DOT1L: variants seen among roughly 807,000 people sequenced by gnomAD.
DOT1L encodes histone-lysine N-methyltransferase, H3 lysine-79 specific.
Under a neutral mutation model 153.3 loss-of-function variants are expected in DOT1L, and 33 were observed. The observed-to-expected ratio is 0.22, with a 90% CI of 0.16 to 0.29. DOT1L has a LOEUF of 0.29. Ranked by LOEUF, DOT1L falls within the 10% of genes least tolerant of loss-of-function variation. The pLI is 1.00. For synonymous variants in DOT1L, 1,135 were observed against 965.1 expected (o/e 1.18, Z -3.26); for missense variants, 1,847 against 2,119.9 (o/e 0.87, Z 2.53).
rs1386514078 is a variant in DOT1L at position 2,197,669 on chromosome 19, C to T, written c.652-2215C>T. 2.0e-5 allele frequency among the ~76,000 whole-genome samples: 3 copies of T among 152,134 alleles called. No homozygotes were observed. Among genetic ancestry groups the T allele is most frequent in the African/African-American group, 7.2e-5 (3 of 41,412 alleles). ...GATTCCGTGCAGGTTTAGGTGCTCA[C>T]GGTCAGGCCAGTGGCTCCTGAGATG... On this transcript the variant is annotated intron_variant, in intron 7 of 27. Coordinates refer to ENST00000398665, the MANE Select transcript of DOT1L (RefSeq NM_032482.3). This position sits in a 1 kb window ranked among gnomAD's most constrained non-coding sequence, Gnocchi z 4.1.
rs2024532608 is a variant in DOT1L at position 2,230,080 on chromosome 19, A to T, written c.*288A>T. On this transcript the variant is annotated 3_prime_UTR_variant, in exon 28 of 28. Coordinates refer to ENST00000398665, the MANE Select transcript of DOT1L (RefSeq NM_032482.3). ...AAAGGCAACTTATTGAGAAATATAA[A>T]TATCTATATATGAGAGCTCTATATA... 1 of 597,420 alleles carries T rather than the reference A, an allele frequency of 1.7e-6. No homozygotes were observed. Among genetic ancestry groups the T allele is most frequent in the African/African-American group, 1.9e-5 (1 of 53,702 alleles). 37.0% of individuals were successfully genotyped at this position (597,420 alleles called of 1,614,324 possible).
At chr19:2,174,994 GTATA>G (rs1555715371) in intron 1 of DOT1L, among the ~76,000 whole-genome samples, 1,769 of 80,392 alleles carry the variant, frequency 0.022, 57 homozygotes, top group East Asian at 0.16. Flanking sequence ...GTGTGTGTGT[GTATA>G]TATATATTTT....
At chr19:2,185,649 G>A (rs981916633) in intron 2 of DOT1L, among the ~76,000 whole-genome samples, 1 of 152,078 alleles carries the variant, frequency 6.6e-6, no homozygotes, top group Admixed American at 6.5e-5. Flanking sequence ...GGCACCTGTA[G>A]TCCCAGCTAC....
intron 16 of DOT1L, 23 bp from the exon 17 acceptor site, chr19:2,213,516 C>A: frequency 6.2e-7 from 1 of 1,610,710 alleles, no homozygotes; most frequent in South Asian, 1.1e-5. Flanking sequence ...GGCCCTTAGT[C>A]ACCTGCCCTG....
At chr19:2,166,016 C>T (rs1399653800) in intron 1 of DOT1L, among the ~76,000 whole-genome samples, 1 of 152,050 alleles carries the variant, frequency 6.6e-6, no homozygotes, top group Non-Finnish European at 1.5e-5. Flanking sequence ...GTGATCCACC[C>T]ACCTCGGCCT....
rs377271788 is a variant in DOT1L, at chr19:2,199,857, C to T, written c.652-27C>T. The T allele has an allele frequency of 4.8e-5, 77 of 1,611,208 alleles. No individual in the cohort carries two copies. The East Asian group carries it at 8.3e-4, about 17-fold the overall frequency. On this transcript the variant is annotated intron_variant, in intron 7 of 27. Transcript: ENST00000398665. ...GGGAGTGCCAGGGAGGCCGGGGGTC[C>T]GCGCTCACACCTGTTTTCCCTTTCA...
At chr19:2,209,229 A>G (rs1225897753) in intron 12 of DOT1L, among the ~76,000 whole-genome samples, 1 of 128,182 alleles carries the variant, frequency 7.8e-6, no homozygotes, top group African/African-American at 3.0e-5. Flanking sequence ...TCACCATTCA[A>G]TCTCTCTCTC....
chr19:2,215,259 C>T (rs989188495), intron 19 of DOT1L, among the ~76,000 whole-genome samples: 1 of 152,128 alleles, frequency 6.6e-6, no homozygotes, highest in African/African-American at 2.4e-5. Flanking sequence ...GAGCCAGGCC[C>T]CATCTGAAAA....
At chr19:2,221,440 C>G (rs2024108487) in intron 23 of DOT1L, 1 of 155,658 alleles carries the variant, frequency 6.4e-6, no homozygotes, top group Admixed American at 6.3e-5. Flanking sequence ...CGCCCCTGCA[C>G]TGAGGCCTCA....
chr19:2,214,062 T>G, intron 18 of DOT1L, 76 bp downstream of exon 18: 2 of 1,524,510 alleles, frequency 1.3e-6, no homozygotes, highest in East Asian at 2.4e-5. Context: ...TCTGTGCGGG[T>G]GGGAGGCTCT....
chr19:2,175,892 C>A (rs12982593), intron 1 of DOT1L, among the ~76,000 whole-genome samples: 70,342 of 151,884 alleles, frequency 0.46, 16,402 homozygotes, highest in Non-Finnish European at 0.47. Context: ...AAGGAACTCC[C>A]ACACGAGCTG....
intron 12 of DOT1L, among the ~76,000 whole-genome samples, 161 bp downstream of exon 12, chr19:2,209,137 TC>T (rs2023615501): frequency 6.6e-6 from 1 of 151,944 alleles, no homozygotes; most frequent in Admixed American, 6.6e-5. Context: ...TTCCTGCTCC[TC>T]CCCACTGTCA....
At chr19:2,228,867 C>G (rs1357853221) in intron 27 of DOT1L, 3 of 985,438 alleles carry the variant, frequency 3.0e-6, no homozygotes, top group Non-Finnish European at 3.6e-6. Flanking sequence ...CTGGATGCCT[C>G]TGGTCGGGGC....
intron 15 of DOT1L, among the ~76,000 whole-genome samples, chr19:2,211,425 G>C (rs192220620): frequency 6.6e-6 from 1 of 152,234 alleles, no homozygotes; most frequent in Non-Finnish European, 1.5e-5. Flanking sequence ...AGGAGATGCT[G>C]GGTGACACTT....
Position 2,204,438 on chromosome 19 carries a change from G to A in DOT1L, c.787+1659G>A, listed in dbSNP as rs901357897. Among the ~76,000 whole-genome samples, 27 of 152,108 alleles carry A rather than the reference G, an allele frequency of 1.8e-4. No individual in the cohort carries two copies. The highest frequency in any genetic ancestry group is 3.4e-3 in the Middle Eastern group (1 of 294). The stretch of plus-strand genomic sequence containing the variant: ...GGACACCATGCTTCCCCGCCCAGTC[G>A]CCCCCACACCCCAGCAGCACTACGG... On this transcript the variant is annotated intron_variant, in intron 9 of 27. Coordinates refer to ENST00000398665, the MANE Select transcript of DOT1L (RefSeq NM_032482.3). This position sits in a 1 kb window ranked among gnomAD's most constrained non-coding sequence, Gnocchi z 5.7.
At chr19:2,228,380 A>G (rs1366622878) in intron 27 of DOT1L, 6 of 1,292,962 alleles carry the variant, frequency 4.6e-6, no homozygotes, top group Non-Finnish European at 6.1e-6. Flanking sequence ...CGTATTGTGT[A>G]AGGTAAGGCC....
chr19:2,226,550 G>C lies in DOT1L; in HGVS notation c.4029G>C (p.Glu1343Asp). 6.2e-7 allele frequency: 1 copy of C among 1,600,774 alleles called. No individual in the cohort carries two copies. The highest frequency in any genetic ancestry group is 8.5e-7 in the Non-Finnish European group (1 of 1,179,416). ...CTTCTCTTCCCCACAAGGGCCCCGA[G>C]GCGGCCGGCCTGAGCTCCCCGCTGA... is the stretch of plus-strand genomic sequence containing the variant. Reference protein sequence around the residue: ...DGASLPHKGPEAAGLSSPLSF... With the variant: ...DGASLPHKGPDAAGLSSPLSF... The change falls in exon 27 of 28, where the codon GAG becomes GAC. Residue 1343 changes from glutamate (E) to aspartate (D), a missense_variant. Glu to Asp is a conservative substitution (Grantham distance 45). This residue lies in a region of DOT1L where 934 missense variants were observed against 825.3 expected (regional missense o/e 1.13). Coordinates refer to ENST00000398665, the MANE Select transcript of DOT1L (RefSeq NM_032482.3).
At chr19:2,214,321 A>G in intron 18 of DOT1L, 150 bp from the exon 19 acceptor site, 14 of 1,338,868 alleles carry the variant, frequency 1.0e-5, no homozygotes, top group Non-Finnish European at 1.4e-5. Context: ...CGTGTTCCGC[A>G]TCCTCAGCCT....
chr19:2,174,026 T>A (rs1352673545), intron 1 of DOT1L, among the ~76,000 whole-genome samples: 1 of 152,208 alleles, frequency 6.6e-6, no homozygotes, highest in Non-Finnish European at 1.5e-5. Flanking sequence ...AGTGGCGTGA[T>A]CATAACAGTG....
Sources: gnomAD v4.1 joint callset for allele counts (sites outside exome capture counted in the v4.1 genomes callset) on GRCh38, gnomAD v4.1.1 for gene constraint, gnomAD v4.1.1 regional missense constraint, Gnocchi (gnomAD v3.1) non-coding constraint, MANE v1.5 for transcripts, NCBI Gene and HGNC (gene_info 2026-07-23, HGNC 2026-07-21) for gene names.